Variants in ARHGEF3 observed in about 807,000 individuals in gnomAD.
The protein encoded by ARHGEF3 is Rho guanine nucleotide exchange factor 3.
In ARHGEF3, 28 loss-of-function variants were observed where a neutral mutation model predicts 63.2. That is an observed-to-expected ratio of 0.44 (90% CI 0.33 to 0.61). The LOEUF (loss-of-function observed/expected upper bound fraction) is 0.61. Among genes scored for constraint, ARHGEF3 ranks in the 20% least tolerant of loss-of-function variants. ARHGEF3 has a pLI of 0.03. For missense variants in ARHGEF3, 533 were observed against 659.3 expected (o/e 0.81, Z 2.10); for synonymous variants, 266 against 254.2 (o/e 1.05, Z -0.44).
intron 4 of ARHGEF3, among the ~76,000 whole-genome samples, chr3:56,877,943 T>A (rs1052617397): frequency 2.0e-5 from 3 of 152,194 alleles, no homozygotes; most frequent in African/African-American, 7.2e-5. Context: ...AAATTAAAGG[T>A]TTGTATATAA....
intron 1 of ARHGEF3, chr3:57,074,552 CAT>C: frequency 2.5e-6 from 1 of 397,894 alleles, no homozygotes; most frequent in Non-Finnish European, 4.7e-6. Flanking sequence ...TATTAAATGA[CAT>C]CAATTGATCA....
At chr3:56,810,113 G>T (rs1003822675) in intron 4 of ARHGEF3, among the ~76,000 whole-genome samples, 1 of 152,128 alleles carries the variant, frequency 6.6e-6, no homozygotes, top group Non-Finnish European at 1.5e-5. Flanking sequence ...ATTATTCAGA[G>T]AAATTAGAAC....
chr3:56,876,830 CA>C (rs920109462), intron 4 of ARHGEF3, among the ~76,000 whole-genome samples: 25 of 152,198 alleles, frequency 1.6e-4, no homozygotes, highest in African/African-American at 6.0e-4. Flanking sequence ...CCCCACCAGT[CA>C]AGAGAGGCGT....
At chr3:56,815,833 G>T (rs1370950122) in intron 4 of ARHGEF3, among the ~76,000 whole-genome samples, 1 of 152,132 alleles carries the variant, frequency 6.6e-6, no homozygotes, top group African/African-American at 2.4e-5. Context: ...TGTGGATTCT[G>T]CCCAGTCACA....
intron 3 of ARHGEF3, among the ~76,000 whole-genome samples, chr3:56,924,014 G>T (rs2042216832): frequency 6.6e-6 from 1 of 152,170 alleles, no homozygotes; most frequent in African/African-American, 2.4e-5. Context: ...AGAGATTTCC[G>T]CATGCAGCTT....
At chr3:56,923,308 T>A (rs369168948) in intron 3 of ARHGEF3, among the ~76,000 whole-genome samples, 11 of 151,482 alleles carry the variant, frequency 7.3e-5, no homozygotes, top group Admixed American at 3.3e-4. Flanking sequence ...AATTTTTCCA[T>A]AATAAAATAT....
At chr3:57,004,702 C>T (rs1379555053) in intron 2 of ARHGEF3, among the ~76,000 whole-genome samples, 9 of 152,240 alleles carry the variant, frequency 5.9e-5, no homozygotes, top group East Asian at 1.9e-4. Flanking sequence ...CGCAGTGGCT[C>T]ATGCCTGTAA....
At chr3:56,995,655 G>C (rs938478636) in intron 2 of ARHGEF3, among the ~76,000 whole-genome samples, 2 of 124,764 alleles carry the variant, frequency 1.6e-5, no homozygotes, top group Non-Finnish European at 3.5e-5. Flanking sequence ...GAGAGAGAGA[G>C]AGAGAGAGAG....
At chr3:57,002,485 A>ATATATATATATATATGT (rs1560122833) in intron 2 of ARHGEF3, among the ~76,000 whole-genome samples, 1 of 45,080 alleles carries the variant, frequency 2.2e-5, no homozygotes, top group African/African-American at 9.2e-5. Context: ...TATGTTATAT[A>ATATATATATATATATGT]TATATATATA....
At chr3:57,014,059 A>G (rs1702840158) in intron 2 of ARHGEF3, among the ~76,000 whole-genome samples, 2 of 151,984 alleles carry the variant, frequency 1.3e-5, no homozygotes, top group Admixed American at 1.3e-4. Context: ...CTGGAGCTTC[A>G]CTCTTAAAGC....
At chr3:56,839,549 A>G (rs1156333848) in intron 4 of ARHGEF3, among the ~76,000 whole-genome samples, 4 of 152,208 alleles carry the variant, frequency 2.6e-5, no homozygotes, top group African/African-American at 9.7e-5. Flanking sequence ...GGTACATAAG[A>G]ACTCTCTGTG....
At chr3:56,802,016 G>A (rs1438610968), upstream of ARHGEF3, 3 of 1,433,232 alleles carry the variant, frequency 2.1e-6, no homozygotes, top group African/African-American at 1.5e-5. Context: ...GGGGCGGGCC[G>A]CCGGCTCGGC....
At chr3:56,992,835 T>A (rs1701816810) in intron 2 of ARHGEF3, among the ~76,000 whole-genome samples, 2 of 152,198 alleles carry the variant, frequency 1.3e-5, no homozygotes, top group African/African-American at 4.8e-5. Flanking sequence ...CTTTTTATTT[T>A]ATTTTTTATT....
intron 1 of ARHGEF3, among the ~76,000 whole-genome samples, chr3:57,066,759 T>C (rs1373808048): frequency 6.6e-6 from 1 of 152,228 alleles, no homozygotes; most frequent in Non-Finnish European, 1.5e-5. Context: ...TTATTCTCCA[T>C]GATGTGGTGG....
chr3:57,068,070 G>C (rs1367416883), intron 1 of ARHGEF3, among the ~76,000 whole-genome samples: 1 of 152,082 alleles, frequency 6.6e-6, no homozygotes, highest in African/African-American at 2.4e-5. Context: ...TTACTCTGGA[G>C]GCCAAGGCAA....
At chr3:56,821,652 T>C (rs11712999) in intron 4 of ARHGEF3, among the ~76,000 whole-genome samples, 20,088 of 152,098 alleles carry the variant, frequency 0.13, 1,575 homozygotes, top group Admixed American at 0.23. Flanking sequence ...GCCCAATATC[T>C]CTACATGTGT....
intron 2 of ARHGEF3, among the ~76,000 whole-genome samples, chr3:57,012,708 T>C (rs1437150618): frequency 6.6e-6 from 1 of 152,234 alleles, no homozygotes; most frequent in East Asian, 1.9e-4. Context: ...TCTGATGCCA[T>C]AGTGAGAGGT....
At chr3:56,784,482 G>A (rs2036707810) in intron 1 of ARHGEF3, among the ~76,000 whole-genome samples, 2 of 152,188 alleles carry the variant, frequency 1.3e-5, no homozygotes, top group Admixed American at 6.5e-5. Context: ...TCACAGCCAC[G>A]GGGTCCAGAG....
chr3:56,793,739 C>A lies in ARHGEF3; in HGVS notation c.96+7964G>T, dbSNP rs139007393. On this transcript the variant is annotated intron_variant, in intron 1 of 9. Transcript: ENST00000296315. ...TTACTGTTCCTTGTGTATGAACTACCTTCTAGTATCTTTGGCTTATTTGTC... is the reference window on the plus strand; with the variant it reads ...TTACTGTTCCTTGTGTATGAACTACATTCTAGTATCTTTGGCTTATTTGTC... Among the ~76,000 whole-genome samples, 426 of 152,254 alleles carry A rather than the reference C, an allele frequency of 2.8e-3. 3 individuals carry two copies. The highest frequency in any genetic ancestry group is 9.9e-3 in the African/African-American group (412 of 41,528).
Sources: gnomAD v4.1 joint callset for allele counts (sites outside exome capture counted in the v4.1 genomes callset) on GRCh38, gnomAD v4.1.1 for gene constraint, MANE v1.5 for transcripts, NCBI Gene and HGNC (gene_info 2026-07-23, HGNC 2026-07-21) for gene names.